Variants in OTUD4 observed in about 807,000 individuals in gnomAD.
The protein encoded by OTUD4 is OTU deubiquitinase 4, also known as OTU domain-containing protein 4.
A neutral mutation model predicts 130.4 loss-of-function variants in OTUD4; 24 were observed. The observed-to-expected ratio is 0.18, with a 90% CI of 0.13 to 0.26. The LOEUF (loss-of-function observed/expected upper bound fraction) is 0.26. Ranked by LOEUF, OTUD4 falls within the 10% of genes least tolerant of loss-of-function variation. OTUD4 has a pLI of 1.00. For missense variants in OTUD4, 1,031 were observed against 1,329.4 expected (o/e 0.78, Z 3.49); for synonymous variants, 420 against 472.5 (o/e 0.89, Z 1.44).
chr4:145,168,690 T>C (rs1454833344), intron 3 of OTUD4, among the ~76,000 whole-genome samples: 1 of 152,218 alleles, frequency 6.6e-6, no homozygotes, highest in Non-Finnish European at 1.5e-5. Context: ...GAAACTGAAA[T>C]TCTCATAATA....
At chr4:145,167,066 G>C (rs1751915381) in intron 3 of OTUD4, among the ~76,000 whole-genome samples, 1 of 152,138 alleles carries the variant, frequency 6.6e-6, no homozygotes, top group Non-Finnish European at 1.5e-5. Context: ...TGACAATAGA[G>C]ACAGGGAAGT....
intron 4 of OTUD4, among the ~76,000 whole-genome samples, chr4:145,164,561 A>T (rs145000961): frequency 1.1e-3 from 169 of 152,292 alleles, no homozygotes; most frequent in African/African-American, 3.8e-3. Context: ...ACTAGGCAAA[A>T]GTAGCAAAAT....
At chr4:145,152,714 G>C (rs530049586) in intron 10 of OTUD4, 79 bp from the exon 11 acceptor site, 316 of 798,136 alleles carry the variant, frequency 4.0e-4, no homozygotes, top group African/African-American at 3.9e-3. Flanking sequence ...AGTTTTTTGC[G>C]GTTCTTTTTT....
intron 9 of OTUD4, 22 bp from the exon 10 acceptor site, chr4:145,155,497 G>A: frequency 3.1e-6 from 5 of 1,600,130 alleles, no homozygotes; most frequent in Non-Finnish European, 4.3e-6. Flanking sequence ...AAAAAGGTCA[G>A]TATAATATAA....
At chr4:145,162,596 G>T in intron 6 of OTUD4, 44 bp downstream of exon 6, 1 of 986,940 alleles carries the variant, frequency 1.0e-6, no homozygotes, top group Non-Finnish European at 1.5e-6. Context: ...GACTGTATAA[G>T]TTTAGGAATA....
chr4:145,151,344 A>G (rs1751058817), intron 11 of OTUD4, among the ~76,000 whole-genome samples: 1 of 152,148 alleles, frequency 6.6e-6, no homozygotes, highest in Admixed American at 6.5e-5. Context: ...AGAATAGAAA[A>G]TATTGCCAAG....
In OTUD4 at chr4:145,150,714, CAA is replaced by C. The variant is rs1487110486; in HGVS notation, c.1073-17_1073-16del. On this transcript the variant is annotated splice_polypyrimidine_tract_variant and intron_variant, in intron 12 of 20. Transcript: ENST00000447906. Reference sequence around the variant, plus strand: ...GTAATCCACATCTGTTGTAAGAACCCAAAAGTACATGATAATATTCATATTAT... The same window carrying C: ...GTAATCCACATCTGTTGTAAGAACCCAAGTACATGATAATATTCATATTAT... 1 of 1,606,168 alleles carries C rather than the reference CAA, an allele frequency of 6.2e-7. No individual in the cohort carries two copies.
chr4:145,146,488 A>AAATAAATG, intron 13 of OTUD4, 59 bp from the exon 14 acceptor site: 2 of 1,036,316 alleles, frequency 1.9e-6, no homozygotes, highest in South Asian at 4.7e-5. Context: ...ATAAATAAAT[A>AAATAAATG]AAACATTCTT....
intron 2 of OTUD4, 135 bp from the exon 3 acceptor site, chr4:145,171,855 T>C (rs1018080524): frequency 1.6e-5 from 10 of 634,548 alleles, no homozygotes; most frequent in African/African-American, 3.8e-5. Context: ...TATTTAAAAA[T>C]ATGTACATAA....
chr4:145,168,082 C>T (rs932894740), intron 3 of OTUD4, among the ~76,000 whole-genome samples: 2 of 151,924 alleles, frequency 1.3e-5, no homozygotes, highest in African/African-American at 4.8e-5. Context: ...TTTACTTAAT[C>T]AGCATTTTTT....
chr4:145,148,423 T>C, intron 13 of OTUD4, among the ~76,000 whole-genome samples: 1 of 151,302 alleles, frequency 6.6e-6, no homozygotes, highest in Admixed American at 6.6e-5. Flanking sequence ...CGCTTGAACC[T>C]GGGAGATGGA....
chr4:145,142,135 T>C, intron 18 of OTUD4, 61 bp downstream of exon 18: 2 of 1,469,278 alleles, frequency 1.4e-6, no homozygotes, highest in Non-Finnish European at 9.4e-7. Flanking sequence ...CACTCAAGAA[T>C]TTGAAGTCTC....
Position 145,150,581 on chromosome 4 carries a change from T to C in OTUD4, c.1191A>G (p.Ser397=), listed in dbSNP as rs1333327019. Residue 397 remains serine, a synonymous_variant, in exon 13 of 21, where the codon TCA becomes TCG. Transcript: ENST00000447906. ...TGGAGAATTTCTGAGACTGTGACCC[T>C]GAAGAATGACTAGAGAACGCATGTT... ...VRQHAFSSHS[S]GSQSQKFSSE... 3 of 1,613,104 alleles carry C rather than the reference T, an allele frequency of 1.9e-6. No individual in the cohort carries two copies. Among genetic ancestry groups the C allele is most frequent in the Non-Finnish European group, 2.5e-6 (3 of 1,179,148 alleles).
At chr4:145,158,432 A>C (rs1005776619) in intron 7 of OTUD4, among the ~76,000 whole-genome samples, 6 of 152,066 alleles carry the variant, frequency 3.9e-5, no homozygotes, top group African/African-American at 1.4e-4. Context: ...CAGTAAGCCG[A>C]GATCGCACCA....
intron 13 of OTUD4, among the ~76,000 whole-genome samples, chr4:145,148,360 A>C (rs1460802059): frequency 1.3e-5 from 2 of 152,142 alleles, no homozygotes; most frequent in Non-Finnish European, 1.5e-5. Context: ...TTAGCCAGGC[A>C]TGGTGGTGCA....
In OTUD4 at chr4:145,137,782, G is replaced by C. The variant is rs4561948; in HGVS notation, c.2993C>G (p.Pro998Arg). The change falls in exon 21 of 21, where the codon CCT becomes CGT. Residue 998 changes from proline to arginine, a missense_variant. Around this residue, in one of 3 missense-constraint regions of OTUD4, gnomAD observed 900 missense variants for 1,095.9 expected, o/e 0.82. Coordinates refer to ENST00000447906, the MANE Select transcript of OTUD4 (RefSeq NM_001366057.1). ...GCTGACCACATCAGCAGCAGTCTTA[G>C]GATCTTTTACTTTTTCTGTTTTTTC... ...LKEKTEKVKDPKTAADVVSPG... is the reference protein window; with the variant it reads ...LKEKTEKVKDRKTAADVVSPG... The C allele has an allele frequency of 2.3e-3, 3,692 of 1,613,968 alleles. 6 individuals are homozygous for C. The highest frequency in any genetic ancestry group is 2.8e-3 in the Non-Finnish European group (3,338 of 1,179,986).
intron 2 of OTUD4, among the ~76,000 whole-genome samples, chr4:145,173,077 T>C (rs999671379): frequency 3.9e-5 from 6 of 152,336 alleles, no homozygotes; most frequent in African/African-American, 1.4e-4. Flanking sequence ...ACTTTCAACC[T>C]CTGATCATAC....
Position 145,179,921 on chromosome 4 carries a change from G to A in OTUD4, c.53C>T (p.Pro18Leu). The A allele has an allele frequency of 2.6e-6, 4 of 1,527,826 alleles. No individual in the cohort carries two copies. The highest frequency in any genetic ancestry group is 1.4e-5 in the African/African-American group (1 of 71,990). The allele number at this position is 1,527,826 out of a possible 1,614,324, so 94.6% of individuals were successfully genotyped here. Residue 18 changes from proline (P) to leucine (L), a missense_variant, in exon 1 of 21, where the codon CCC becomes CTC. Transcript: ENST00000447906. Reference sequence around the variant, plus strand: ...GTCCATGGGCGTCGCGTCCTCGCGGGGCCCCGCGCCGCCCTGGTCCCCGCC... The same window carrying A: ...GTCCATGGGCGTCGCGTCCTCGCGGAGCCCCGCGCCGCCCTGGTCCCCGCC... ...PDGGDQGGAG[P>L]REDATPMDAY...
In OTUD4 at chr4:145,134,994, G is replaced by C. The variant is rs1750173568; in HGVS notation, c.*2436C>G. 5.6e-6 allele frequency: 2 copies of C among 355,910 alleles called. No individual in the cohort carries two copies. Among genetic ancestry groups the C allele is most frequent in the South Asian group, 3.0e-4 (2 of 6,616 alleles). The allele number at this position is 355,910 out of a possible 1,614,324, so 22.0% of individuals were successfully genotyped here. ...GTCAACATAACAGTATGACATAACA[G>C]TTAAAATGAAGGACAAAAGCTTGCT... On this transcript the variant is annotated 3_prime_UTR_variant, in exon 21 of 21. Transcript: ENST00000447906.
Sources: allele counts gnomAD v4.1 joint callset (sites outside exome capture counted in the v4.1 genomes callset), GRCh38; gene constraint gnomAD v4.1.1; regional missense constraint gnomAD v4.1.1; transcripts MANE v1.5; gene names NCBI Gene and HGNC (gene_info 2026-07-23, HGNC 2026-07-21).